Variants in RIPOR2 observed in about 807,000 individuals in gnomAD.
RIPOR2 encodes the protein rho family-interacting cell polarization regulator 2.
In RIPOR2, 39 loss-of-function variants were observed where a neutral mutation model predicts 114.5. That is an observed-to-expected ratio of 0.34 (90% CI 0.26 to 0.44). RIPOR2 has a LOEUF of 0.44. RIPOR2 is among the 20% of genes least tolerant of loss of function. The pLI is 1.00. For missense variants in RIPOR2, 1,007 were observed against 1,255.1 expected, an observed-to-expected ratio of 0.80 and a Z score of 2.99; for synonymous variants, 445 against 484.4, an observed-to-expected ratio of 0.92 and a Z score of 1.07.
chr6:24,854,124 G>GAAAAAAAAA (rs56203816), intron 8 of RIPOR2, among the ~76,000 whole-genome samples: 1 of 86,436 alleles, frequency 1.2e-5, no homozygotes, highest in Non-Finnish European at 2.5e-5. Context: ...GTCTGAAAAA[G>GAAAAAAAAA]AAAAAAAAAA....
chr6:24,903,930 G>C (rs1036010597), intron 1 of RIPOR2, among the ~76,000 whole-genome samples: 8 of 152,360 alleles, frequency 5.3e-5, no homozygotes, highest in African/African-American at 1.4e-4. Flanking sequence ...TTCAGTGGCA[G>C]CTGCGTCAGA....
intron 1 of RIPOR2, among the ~76,000 whole-genome samples, chr6:25,011,939 G>A (rs2166681): frequency 0.13 from 19,907 of 152,086 alleles, 1,919 homozygotes; most frequent in East Asian, 0.5. Flanking sequence ...AGAAAATGAG[G>A]AGAAAATCCA....
chr6:24,977,931 A>C (rs963686061), intron 1 of RIPOR2, among the ~76,000 whole-genome samples: 1 of 152,160 alleles, frequency 6.6e-6, no homozygotes. Context: ...AACTCCACGG[A>C]TATAGGGATA....
rs747182398 is a variant in RIPOR2 at position 24,843,243 on chromosome 6, C to T, written c.1476G>A (p.Ser492=). 36 of 1,613,976 alleles carry T rather than the reference C, an allele frequency of 2.2e-5. No homozygotes were observed. Among genetic ancestry groups the T allele is most frequent in the Middle Eastern group, 3.3e-4 (2 of 6,062 alleles). The change falls in exon 13 of 22, where the codon TCG becomes TCA. Residue 492 remains serine (S), a synonymous_variant. Coordinates refer to ENST00000643898, the MANE Select transcript of RIPOR2 (RefSeq NM_001286445.3). ...EDPEEPRKPA[S]APSEACRRQS... is the part of the protein sequence containing the mutation. ...GTCGGCGGCAAGCCTCAGATGGGGCCGAGGCAGGTTTTCTGGGCTCCTCTG... is the reference window on the plus strand; with the variant it reads ...GTCGGCGGCAAGCCTCAGATGGGGCTGAGGCAGGTTTTCTGGGCTCCTCTG...
At chr6:24,933,620 A>C (rs1771553894) in intron 1 of RIPOR2, among the ~76,000 whole-genome samples, 1 of 152,230 alleles carries the variant, frequency 6.6e-6, no homozygotes, top group Non-Finnish European at 1.5e-5. Context: ...TTTGGAAAAG[A>C]TAAAGCATAC....
intron 12 of RIPOR2, 141 bp downstream of exon 12, chr6:24,847,884 G>T: frequency 8.2e-7 from 1 of 1,217,074 alleles, no homozygotes; most frequent in African/African-American, 1.5e-5. Flanking sequence ...AGGTGGGCAA[G>T]GAGAGAGGAA....
intron 3 of RIPOR2, among the ~76,000 whole-genome samples, 194 bp downstream of exon 3, chr6:24,873,450 C>T (rs1190685373): frequency 2.6e-5 from 4 of 152,192 alleles, no homozygotes; most frequent in Admixed American, 6.5e-5. Flanking sequence ...AGGTCTCCAT[C>T]AATGTTATGA....
intron 1 of RIPOR2, among the ~76,000 whole-genome samples, chr6:24,908,723 T>C (rs1050610372): frequency 8.5e-5 from 13 of 152,198 alleles, no homozygotes; most frequent in Non-Finnish European, 1.6e-4. Flanking sequence ...GATCCACAGA[T>C]ATAAATATCT....
chr6:24,929,177 A>C (rs1771185172), intron 1 of RIPOR2: 1 of 151,858 alleles, frequency 6.6e-6, no homozygotes, highest in African/African-American at 2.4e-5. Flanking sequence ...AAATATCTGA[A>C]AAGGATAAAC....
intron 9 of RIPOR2, among the ~76,000 whole-genome samples, chr6:24,851,885 T>C (rs933795267): frequency 1.1e-4 from 17 of 152,298 alleles, no homozygotes; most frequent in African/African-American, 3.8e-4. Flanking sequence ...TAGTAATGCC[T>C]ATGTGACAGA....
chr6:24,830,710 T>C (rs1275663501), intron 16 of RIPOR2, 40 bp from the exon 17 acceptor site: 5 of 1,488,412 alleles, frequency 3.4e-6, no homozygotes, highest in East Asian at 2.5e-5. Flanking sequence ...TAACACATTT[T>C]ATTTTATTTT....
chr6:24,850,864 G>T, intron 9 of RIPOR2, 142 bp from the exon 10 acceptor site: 1 of 949,580 alleles, frequency 1.1e-6, no homozygotes. Flanking sequence ...TTACTCTTGG[G>T]TGTGAATGGA....
At chr6:25,023,328 T>G (rs1196509799) in intron 1 of RIPOR2, 37 of 786,974 alleles carry the variant, frequency 4.7e-5, no homozygotes, top group Middle Eastern at 3.7e-4. Context: ...ATGAACCCGG[T>G]GGCATCAATT....
chr6:24,930,479 A>AG (rs1247455577), intron 1 of RIPOR2, among the ~76,000 whole-genome samples: 2 of 152,326 alleles, frequency 1.3e-5, no homozygotes, highest in African/African-American at 2.4e-5. Flanking sequence ...GCCATAAATC[A>AG]GGGGGGTGGA....
At chr6:24,893,725 C>T (rs1418765435) in intron 1 of RIPOR2, among the ~76,000 whole-genome samples, 1 of 152,208 alleles carries the variant, frequency 6.6e-6, no homozygotes, top group Non-Finnish European at 1.5e-5. Flanking sequence ...AACTGGGGAG[C>T]ATCCTTCTTG....
At chr6:25,031,558 T>G (rs891923640) in intron 1 of RIPOR2, among the ~76,000 whole-genome samples, 1 of 128,490 alleles carries the variant, frequency 7.8e-6, no homozygotes, top group Non-Finnish European at 1.6e-5. Context: ...GATTGACTGA[T>G]ATATATATAT....
intron 1 of RIPOR2, among the ~76,000 whole-genome samples, chr6:24,993,593 A>G (rs187533679): frequency 9.3e-4 from 141 of 152,330 alleles, no homozygotes; most frequent in African/African-American, 3.2e-3. Context: ...GATTTTCATG[A>G]AAGAGGTTAA....
At chr6:24,967,221 T>C (rs955619695) in intron 1 of RIPOR2, among the ~76,000 whole-genome samples, 1 of 152,216 alleles carries the variant, frequency 6.6e-6, no homozygotes, top group African/African-American at 2.4e-5. Context: ...GAGCATGTCA[T>C]GGCTTGAGAA....
intron 1 of RIPOR2, among the ~76,000 whole-genome samples, chr6:24,928,583 G>T (rs1459310300): frequency 6.6e-6 from 1 of 152,170 alleles, no homozygotes; most frequent in African/African-American, 2.4e-5. Flanking sequence ...GGGACCAGCT[G>T]CTCTTACGCT....
Sources: gnomAD v4.1 joint callset for allele counts (sites outside exome capture counted in the v4.1 genomes callset) on GRCh38, gnomAD v4.1.1 for gene constraint, MANE v1.5 for transcripts, NCBI Gene and HGNC (gene_info 2026-07-23, HGNC 2026-07-21) for gene names.